TMC2: variants seen among roughly 807,000 people sequenced by gnomAD.
TMC2 encodes the protein transmembrane channel like 2.
Under a neutral mutation model 105.9 loss-of-function variants are expected in TMC2, and 102 were observed. That is an observed-to-expected ratio of 0.96 (90% CI 0.82 to 1.14). TMC2 has a LOEUF of 1.14. Ranked by LOEUF, TMC2 falls within the 50% of genes most tolerant of loss-of-function variation. The pLI is 0.00. For synonymous variants in TMC2, 402 were observed against 422.8 expected (o/e 0.95, Z 0.60); for missense variants, 1,093 against 1,134.3 (o/e 0.96, Z 0.52).
At position 2,561,857 on chromosome 20, in the gene TMC2, G is replaced by A. The variant is rs1311965605; in HGVS notation, c.402-1G>A. On this transcript the variant is annotated splice_acceptor_variant, in intron 3 of 19. Coordinates refer to ENST00000358864, the MANE Select transcript of TMC2 (RefSeq NM_080751.3). LOFTEE classifies it high-confidence loss of function. ...TGCCTCCGCCCTGGCTCTGCCTCCA[G>A]GTCATCCTCCTTGGCCTCCAGTGCC... 1.2e-6 allele frequency: 2 copies of A among 1,612,932 alleles called. No individual in the cohort carries two copies. Among genetic ancestry groups the A allele is most frequent in the Non-Finnish European group, 1.7e-6 (2 of 1,179,528 alleles).
intron 19 of TMC2, 79 bp from the exon 20 acceptor site, chr20:2,641,055 C>A: frequency 7.9e-7 from 1 of 1,264,354 alleles, no homozygotes; most frequent in Non-Finnish European, 1.1e-6. Flanking sequence ...ACACACACCG[C>A]AGGGCGACTC....
chr20:2,561,778 G>A, intron 3 of TMC2, 80 bp from the exon 4 acceptor site: 2 of 1,499,888 alleles, frequency 1.3e-6, no homozygotes. Context: ...TCTTCCATGG[G>A]CCCCTCCTCA....
At position 2,629,158 on chromosome 20, in the gene TMC2, T is replaced by C. The variant is rs73077255; in HGVS notation, c.2306+4762T>C. On this transcript the variant is annotated intron_variant, in intron 17 of 19. Coordinates refer to ENST00000358864, the MANE Select transcript of TMC2 (RefSeq NM_080751.3). The stretch of plus-strand genomic sequence containing the variant: ...CTATGAGTGTATTGTTTATCATATT[T>C]ACTCAACCAAAGTTCTTGAATCTTC... Among the ~76,000 whole-genome samples the C allele has an allele frequency of 8.0e-3, 1,226 of 152,308 alleles. 5 individuals carry two copies. Among genetic ancestry groups the C allele is most frequent in the Non-Finnish European group, 0.012 (825 of 68,028 alleles).
chr20:2,599,152 C>T (rs893603314), intron 10 of TMC2, among the ~76,000 whole-genome samples: 3 of 152,124 alleles, frequency 2.0e-5, no homozygotes, highest in Non-Finnish European at 4.4e-5. Context: ...CTGCCAATCC[C>T]AGCTACTCGG....
At chr20:2,620,616 G>T (rs1362200901) in intron 16 of TMC2, among the ~76,000 whole-genome samples, 2 of 152,164 alleles carry the variant, frequency 1.3e-5, no homozygotes, top group African/African-American at 4.8e-5. Context: ...TGGACTGAAA[G>T]AAACAGAAAG....
intron 7 of TMC2, among the ~76,000 whole-genome samples, chr20:2,584,018 G>A (rs2086213653): frequency 6.6e-6 from 1 of 152,112 alleles, no homozygotes; most frequent in South Asian, 2.1e-4. Context: ...AGCTAGGGTT[G>A]AAAACTGCTA....
At chr20:2,554,564 A>T (rs1444562258) in intron 2 of TMC2, among the ~76,000 whole-genome samples, 1 of 152,212 alleles carries the variant, frequency 6.6e-6, no homozygotes, top group Non-Finnish European at 1.5e-5. Context: ...TTTCTAATAG[A>T]TACATTCAAT....
At chr20:2,565,635 C>A (rs742838) in intron 4 of TMC2, among the ~76,000 whole-genome samples, 1 of 152,062 alleles carries the variant, frequency 6.6e-6, no homozygotes, top group Non-Finnish European at 1.5e-5. Flanking sequence ...CAGTTGCAGA[C>A]GGCATCCCCA....
intron 5 of TMC2, among the ~76,000 whole-genome samples, chr20:2,576,716 T>G (rs2086147297): frequency 6.6e-6 from 1 of 152,152 alleles, no homozygotes; most frequent in African/African-American, 2.4e-5. Flanking sequence ...ATGCCTTTTA[T>G]TTTTGATAGC....
chr20:2,631,079 CTAACTA>C (rs1243125818), intron 17 of TMC2, among the ~76,000 whole-genome samples: 10 of 152,120 alleles, frequency 6.6e-5, no homozygotes, highest in South Asian at 2.1e-4. Context: ...CGTCATTTCT[CTAACTA>C]TATTTTGTTT....
intron 7 of TMC2, among the ~76,000 whole-genome samples, chr20:2,587,399 T>A (rs1264344970): frequency 1.3e-5 from 2 of 152,202 alleles, no homozygotes; most frequent in African/African-American, 4.8e-5. Context: ...ATATATCATC[T>A]GATTTTGATT....
At position 2,545,877 on chromosome 20, in the gene TMC2, GAAAAAGAAAGAAATGAAAGAAAGAAAGAA is replaced by G. The variant is rs202144016; in HGVS notation, c.82+8592_82+8620del. Among the ~76,000 whole-genome samples, 1,084 of 135,558 alleles carry G rather than the reference GAAAAAGAAAGAAATGAAAGAAAGAAAGAA, an allele frequency of 8.0e-3. 11 individuals carry two copies. Among genetic ancestry groups the G allele is most frequent in the East Asian group, 0.025 (117 of 4,702 alleles). The allele number at this position is 135,558 out of a possible 152,430, so 88.9% of individuals were successfully genotyped here. A position where few individuals can be genotyped will look rare whatever the true frequency, so the allele number is the denominator to read the frequency against. ...AGAGAAAGAAAGAAAAAGAAAGAAA[GAAAAAGAAAGAAATGAAAGAAAGAAAGAA>G]AAAAAGAAAGAAATGAAAGAAAGAA... On this transcript the variant is annotated intron_variant, in intron 2 of 19. Coordinates refer to ENST00000358864, the MANE Select transcript of TMC2 (RefSeq NM_080751.3).
At chr20:2,604,139 G>A (rs1336792264) in intron 11 of TMC2, among the ~76,000 whole-genome samples, 1 of 152,220 alleles carries the variant, frequency 6.6e-6, no homozygotes, top group Non-Finnish European at 1.5e-5. Context: ...CTCTCTTGCA[G>A]AGCTTCCAGC....
intron 5 of TMC2, among the ~76,000 whole-genome samples, chr20:2,573,629 C>T (rs1362381168): frequency 6.8e-6 from 1 of 145,998 alleles, no homozygotes; most frequent in African/African-American, 2.5e-5. Flanking sequence ...GGCGCGACCT[C>T]GGCTCACTGC....
chr20:2,556,592 G>A (rs933472619), intron 2 of TMC2, among the ~76,000 whole-genome samples: 16 of 152,070 alleles, frequency 1.1e-4, no homozygotes, highest in African/African-American at 3.6e-4. Context: ...GCAAGATAGT[G>A]ATACTCCATC....
intron 11 of TMC2, among the ~76,000 whole-genome samples, chr20:2,609,707 C>T (rs181379213): frequency 2.6e-5 from 4 of 152,250 alleles, no homozygotes; most frequent in African/African-American, 9.6e-5. Context: ...GTGAGAACTA[C>T]ATGGACAGGT....
intron 17 of TMC2, among the ~76,000 whole-genome samples, chr20:2,633,758 C>CAGGG (rs2086621561): frequency 1.8e-5 from 1 of 54,626 alleles, no homozygotes. Flanking sequence ...TACTACAGAA[C>CAGGG]TGGGTAGGGG....
intron 3 of TMC2, among the ~76,000 whole-genome samples, chr20:2,559,033 G>C (rs2086006106): frequency 6.6e-6 from 1 of 152,236 alleles, no homozygotes; most frequent in African/African-American, 2.4e-5. Flanking sequence ...CGTGGCACCC[G>C]GTGAGGCGGG....
In TMC2 at chr20:2,613,287, A is replaced by G; in HGVS notation, c.1837A>G (p.Asn613Asp). 1.9e-6 allele frequency: 3 copies of G among 1,614,014 alleles called. No homozygotes were observed. The highest frequency in any genetic ancestry group is 2.5e-6 in the Non-Finnish European group (3 of 1,179,982). Residue 613 changes from asparagine to aspartate, a missense_variant, in exon 14 of 20, where the codon AAC becomes GAC. Transcript: ENST00000358864. Reference protein sequence around the residue: ...FLRACFVRFMNYCWCWDLEAG... With the variant: ...FLRACFVRFMDYCWCWDLEAG... ...ACGGGCTTGTTTTGTGCGGTTCATG[A>G]ACTACTGCTGGTGCTGGGACTTGGA...
Sources: gnomAD v4.1 joint callset for allele counts (sites outside exome capture counted in the v4.1 genomes callset) on GRCh38, gnomAD v4.1.1 for gene constraint, MANE v1.5 for transcripts, NCBI Gene and HGNC (gene_info 2026-07-23, HGNC 2026-07-21) for gene names.